Variants in ERC2 observed in about 807,000 individuals in gnomAD.
The protein encoded by ERC2 is ERC protein 2.
Under a neutral mutation model 114.8 loss-of-function variants are expected in ERC2, and 42 were observed. The observed-to-expected ratio is 0.37, with a 90% CI of 0.29 to 0.47. The LOEUF is 0.47. ERC2 is among the 20% of genes least tolerant of loss of function. The pLI, the probability that ERC2 is intolerant of heterozygous loss-of-function variation, is 0.99. For synonymous variants in ERC2, 454 were observed against 425.5 expected (o/e 1.07, Z -0.82); for missense variants, 939 against 1,150.7 (o/e 0.82, Z 2.66).
intron 13 of ERC2, among the ~76,000 whole-genome samples, chr3:55,920,446 A>ACACACACACACCC (rs57638674): frequency 2.8e-5 from 4 of 145,446 alleles, no homozygotes; most frequent in African/African-American, 7.9e-5. Context: ...ACACACACAC[A>ACACACACACACCC]CCCCAAGTGA....
intron 17 of ERC2, among the ~76,000 whole-genome samples, chr3:55,661,789 T>C (rs1025192456): frequency 3.9e-5 from 6 of 151,946 alleles, no homozygotes; most frequent in African/African-American, 1.5e-4. Context: ...GGGCTATTTG[T>C]GGAGTTGGCT....
chr3:55,732,365 T>A (rs573253324), intron 15 of ERC2, among the ~76,000 whole-genome samples: 1 of 152,260 alleles, frequency 6.6e-6, no homozygotes, highest in Non-Finnish European at 1.5e-5. Context: ...CAGACCTAAA[T>A]CACGAAGGAG....
intron 2 of ERC2, among the ~76,000 whole-genome samples, chr3:56,314,000 C>T (rs1231595467): frequency 1.3e-5 from 2 of 152,150 alleles, no homozygotes; most frequent in African/African-American, 4.8e-5. Context: ...AAAGATGTAG[C>T]CATGCCAGTT....
chr3:56,313,450 A>G (rs1227383018), intron 2 of ERC2, among the ~76,000 whole-genome samples: 1 of 152,106 alleles, frequency 6.6e-6, no homozygotes, highest in African/African-American at 2.4e-5. Context: ...ATTTTTTCCA[A>G]GAATAACTTA....
At chr3:56,171,949 A>G (rs2082695850) in intron 4 of ERC2, among the ~76,000 whole-genome samples, 1 of 147,092 alleles carries the variant, frequency 6.8e-6, no homozygotes, top group Admixed American at 6.8e-5. Flanking sequence ...AGGTGGATGG[A>G]AGGGGGACTG....
At position 56,207,986 on chromosome 3, in the gene ERC2, T is replaced by C. The variant is rs533224432; in HGVS notation, c.1075-34466A>G. 1.3e-3 allele frequency among the ~76,000 whole-genome samples: 204 copies of C among 152,282 alleles called. 6 individuals are homozygous for C. The highest frequency in any genetic ancestry group is 0.013 in the Admixed American group (196 of 15,298). Reference sequence around the variant, plus strand: ...AGTAAAACATTATGTTTTCCTGTCTTGTAGATGGCATTTGTGTTAAGCGTA... The same window carrying C: ...AGTAAAACATTATGTTTTCCTGTCTCGTAGATGGCATTTGTGTTAAGCGTA... On this transcript the variant is annotated intron_variant, in intron 3 of 17. Coordinates refer to ENST00000288221, the MANE Select transcript of ERC2 (RefSeq NM_015576.3).
At chr3:56,433,131 T>G (rs1412896044) in intron 2 of ERC2, among the ~76,000 whole-genome samples, 1 of 145,800 alleles carries the variant, frequency 6.9e-6, no homozygotes, top group Non-Finnish European at 1.5e-5. Context: ...TGAGCTATGA[T>G]CAACGTCACT....
chr3:56,279,648 A>T (rs1251291811), intron 3 of ERC2, among the ~76,000 whole-genome samples: 1 of 152,244 alleles, frequency 6.6e-6, no homozygotes, highest in Non-Finnish European at 1.5e-5. Context: ...GCCAGGCTCA[A>T]GACTTTGTAC....
At chr3:56,149,645 G>T (rs569494122) in intron 4 of ERC2, among the ~76,000 whole-genome samples, 1 of 152,240 alleles carries the variant, frequency 6.6e-6, no homozygotes, top group South Asian at 2.1e-4. Context: ...AAATACAGAC[G>T]TAAGTGAAAC....
chr3:55,699,578 G>A (rs2063117873), intron 15 of ERC2, 66 bp from the exon 16 acceptor site: 9 of 1,534,024 alleles, frequency 5.9e-6, no homozygotes, highest in African/African-American at 1.4e-5. Context: ...GAGATTCAGG[G>A]CATAATTACA....
chr3:56,413,844 A>G (rs960968807), intron 2 of ERC2, among the ~76,000 whole-genome samples: 1 of 152,144 alleles, frequency 6.6e-6, no homozygotes, highest in African/African-American at 2.4e-5. Flanking sequence ...ATAACCACCA[A>G]TCTGTTGTTG....
At chr3:55,931,921 T>G (rs1305431501) in intron 13 of ERC2, among the ~76,000 whole-genome samples, 1 of 152,224 alleles carries the variant, frequency 6.6e-6, no homozygotes, top group African/African-American at 2.4e-5. Flanking sequence ...GCATTTGTAC[T>G]GTACTTAAAA....
At chr3:56,247,563 G>A (rs1042573710) in intron 3 of ERC2, among the ~76,000 whole-genome samples, 13 of 152,298 alleles carry the variant, frequency 8.5e-5, no homozygotes, top group African/African-American at 3.1e-4. Flanking sequence ...ATTTTAAATG[G>A]TTGGGTTATG....
At chr3:56,132,306 G>A (rs2080249552) in intron 6 of ERC2, among the ~76,000 whole-genome samples, 2 of 152,136 alleles carry the variant, frequency 1.3e-5, no homozygotes, top group Non-Finnish European at 2.9e-5. Flanking sequence ...TTTTCTCCAT[G>A]TAACAACATT....
rs374695351 is a variant in ERC2 at position 55,575,293 on chromosome 3, C to T, written c.*40-64017G>A. On this transcript the variant is annotated intron_variant, in intron 17 of 17. Coordinates refer to ENST00000288221, the MANE Select transcript of ERC2 (RefSeq NM_015576.3). Reference sequence around the variant, plus strand: ...CTGCACTCCCAAAGTGCTGGGATTACAGTTGTAAGCCACCACACTCAGCCA... The same window carrying T: ...CTGCACTCCCAAAGTGCTGGGATTATAGTTGTAAGCCACCACACTCAGCCA... 1.4e-4 allele frequency among the ~76,000 whole-genome samples: 22 copies of T among 152,290 alleles called. No individual in the cohort carries two copies. The South Asian group carries it at 4.1e-3, about 29-fold the overall frequency.
At chr3:56,204,937 TG>T (rs1405406051) in intron 3 of ERC2, among the ~76,000 whole-genome samples, 5 of 151,234 alleles carry the variant, frequency 3.3e-5, no homozygotes, top group Non-Finnish European at 5.9e-5. Context: ...TGTGTGTGTG[TG>T]TGTGTGTGTG....
At chr3:56,289,203 A>G (rs573937625) in intron 3 of ERC2, among the ~76,000 whole-genome samples, 26 of 152,086 alleles carry the variant, frequency 1.7e-4, no homozygotes, top group African/African-American at 6.0e-4. Context: ...ATCTGCCTGC[A>G]CACAGGTCTA....
chr3:56,106,526 T>C (rs957060340), intron 6 of ERC2, among the ~76,000 whole-genome samples: 1 of 152,206 alleles, frequency 6.6e-6, no homozygotes, highest in Non-Finnish European at 1.5e-5. Context: ...CTTTCTGGAC[T>C]CTGGGGACAA....
In ERC2 at chr3:55,773,173, G is replaced by A. The variant is rs192904583; in HGVS notation, c.2565-38255C>T. Among the ~76,000 whole-genome samples the A allele has an allele frequency of 1.1e-4, 16 of 152,254 alleles. No homozygotes were observed. The East Asian group carries it at 2.3e-3, about 22-fold the overall frequency. On this transcript the variant is annotated intron_variant, in intron 14 of 17. Coordinates refer to ENST00000288221, the MANE Select transcript of ERC2 (RefSeq NM_015576.3). Reference sequence around the variant, plus strand: ...AGTCATCCCAATGGCTATCAGTCCCGTGTGACCTGGCTCCTAATTACTTGC... The same window carrying A: ...AGTCATCCCAATGGCTATCAGTCCCATGTGACCTGGCTCCTAATTACTTGC...
Sources: gnomAD v4.1 joint callset for allele counts (sites outside exome capture counted in the v4.1 genomes callset) on GRCh38, gnomAD v4.1.1 for gene constraint, MANE v1.5 for transcripts, NCBI Gene and HGNC (gene_info 2026-07-23, HGNC 2026-07-21) for gene names.